The following MAP3K15 variants were observed in gnomAD, a reference collection of about 807,000 sequenced individuals.
MAP3K15 encodes the protein mitogen-activated protein kinase kinase kinase 15.
MAP3K15 carries 124 observed loss-of-function variants against 99.5 expected under a neutral mutation model. The ratio of observed to expected loss-of-function variants is 1.25; its 90% CI spans 1.08 to 1.45. The LOEUF is 1.45. Ranked by LOEUF, MAP3K15 falls within the 40% of genes most tolerant of loss-of-function variation. The pLI is 0.00. For missense variants in MAP3K15, 1,242 were observed against 1,079.7 expected, an observed-to-expected ratio of 1.15 and a Z score of -2.11; for synonymous variants, 494 against 439.6, an observed-to-expected ratio of 1.12 and a Z score of -1.55.
intron 3 of MAP3K15, among the ~76,000 whole-genome samples, chrX:19,485,046 C>A (rs1024602610): frequency 9.0e-6 from 1 of 111,068 alleles, no homozygotes; most frequent in African/African-American, 3.3e-5. Flanking sequence ...AGGTGGCTCA[C>A]GCCTGTAATC....
chrX:19,460,285 T>C (rs2064123054), intron 4 of MAP3K15, 132 bp from the exon 5 acceptor site: 2 of 360,803 alleles, frequency 5.5e-6, no homozygotes, highest in Middle Eastern at 7.2e-4. Flanking sequence ...TGAGCCTCCC[T>C]GCACCAGCAA....
intron 18 of MAP3K15, among the ~76,000 whole-genome samples, chrX:19,389,676 A>C (rs2063514691): frequency 8.9e-6 from 1 of 112,221 alleles, no homozygotes; most frequent in Admixed American, 9.5e-5. Flanking sequence ...TGCAAGGATG[A>C]ATTATACATG....
At chrX:19,472,950 C>A (rs940969382) in intron 3 of MAP3K15, among the ~76,000 whole-genome samples, 2 of 112,208 alleles carry the variant, frequency 1.8e-5, no homozygotes, top group Non-Finnish European at 3.8e-5. Flanking sequence ...AATGCCATCA[C>A]AAGTTCTTTG....
At chrX:19,446,494 AGTG>A (rs998127563) in intron 6 of MAP3K15, among the ~76,000 whole-genome samples, 4 of 111,404 alleles carry the variant, frequency 3.6e-5, no homozygotes, top group East Asian at 2.8e-4. Flanking sequence ...CCATGCAGAT[AGTG>A]GTGGAGTCGT....
At chrX:19,423,405 A>G (rs2063803221) in intron 9 of MAP3K15, among the ~76,000 whole-genome samples, 1 of 105,170 alleles carries the variant, frequency 9.5e-6, no homozygotes, top group African/African-American at 3.5e-5. Flanking sequence ...GAATCTGACT[A>G]GGTAGATTTT....
At chrX:19,377,715 G>C (rs1378291975) in intron 19 of MAP3K15, among the ~76,000 whole-genome samples, 2 of 111,963 alleles carry the variant, frequency 1.8e-5, no homozygotes, top group East Asian at 5.6e-4. Context: ...TCTCAGGTGG[G>C]CCTCATGTTT....
At chrX:19,387,512 G>A (rs1312768337) in intron 18 of MAP3K15, among the ~76,000 whole-genome samples, 6 of 110,255 alleles carry the variant, frequency 5.4e-5, no homozygotes, top group African/African-American at 1.6e-4. Flanking sequence ...TCAGCCTCCC[G>A]AGTAGCTGAG....
chrX:19,463,453 TCTC>T (rs771310256), intron 4 of MAP3K15, among the ~76,000 whole-genome samples: 1 of 111,913 alleles, frequency 8.9e-6, no homozygotes, highest in Non-Finnish European at 1.9e-5. Context: ...GACAAATCCT[TCTC>T]CTTGTGACAC....
intron 18 of MAP3K15, among the ~76,000 whole-genome samples, chrX:19,384,587 C>CA (rs2063481317): frequency 9.4e-6 from 1 of 106,119 alleles, no homozygotes; most frequent in Non-Finnish European, 1.9e-5. Context: ...TAAAAAAGTA[C>CA]AAAAAATTAG....
chrX:19,455,085 C>T (rs2064082314), intron 6 of MAP3K15, among the ~76,000 whole-genome samples: 1 of 111,280 alleles, frequency 9.0e-6, no homozygotes, highest in Admixed American at 9.6e-5. Context: ...GTATTGCAAT[C>T]CCATAGAAAA....
intron 6 of MAP3K15, among the ~76,000 whole-genome samples, chrX:19,434,885 G>A (rs1440730201): frequency 8.1e-5 from 9 of 111,734 alleles, no homozygotes; most frequent in South Asian, 3.7e-4. Flanking sequence ...TAATAATTAA[G>A]CCTGTATTTT....
At chrX:19,439,200 G>A (rs754421085) in intron 6 of MAP3K15, among the ~76,000 whole-genome samples, 24 of 111,245 alleles carry the variant, frequency 2.2e-4, no homozygotes, top group Non-Finnish European at 4.1e-4. Context: ...TGCCTGCTCC[G>A]CCTTCACCTT....
At chrX:19,500,511 A>G (rs753613777) in intron 1 of MAP3K15, among the ~76,000 whole-genome samples, 1 of 110,675 alleles carries the variant, frequency 9.0e-6, no homozygotes, top group East Asian at 2.9e-4. Flanking sequence ...ACAAACCCCA[A>G]TTCCTGAATG....
chrX:19,361,227 T>G, intron 28 of MAP3K15, 112 bp downstream of exon 28: 1 of 626,988 alleles, frequency 1.6e-6, no homozygotes, highest in Non-Finnish European at 2.4e-6. Flanking sequence ...AGCTTGAACC[T>G]AATAGAACTC....
At chrX:19,365,498 T>C (rs941539427) in intron 25 of MAP3K15, among the ~76,000 whole-genome samples, 1 of 112,674 alleles carries the variant, frequency 8.9e-6, no homozygotes. Flanking sequence ...GTTAAATACA[T>C]GTTAAATACA....
At chrX:19,486,425 C>G (rs1308407713) in intron 3 of MAP3K15, 57 bp downstream of exon 3, 3 of 553,939 alleles carry the variant, frequency 5.4e-6, no homozygotes, top group Admixed American at 4.9e-5. Flanking sequence ...AAGCATTTTA[C>G]AAATTGACAT....
intron 4 of MAP3K15, among the ~76,000 whole-genome samples, chrX:19,461,415 G>A (rs1265429073): frequency 1.8e-5 from 2 of 112,287 alleles, no homozygotes; most frequent in Admixed American, 1.9e-4. Flanking sequence ...TTTTCTAATG[G>A]AAAACACAAA....
intron 20 of MAP3K15, among the ~76,000 whole-genome samples, 198 bp downstream of exon 20, chrX:19,374,279 C>T (rs1279262831): frequency 2.7e-5 from 3 of 111,549 alleles, no homozygotes; most frequent in Non-Finnish European, 5.7e-5. Flanking sequence ...GTCAGGAGAT[C>T]GAGGTGCATG....
intron 3 of MAP3K15, among the ~76,000 whole-genome samples, chrX:19,470,407 G>A (rs140726329): frequency 1.8e-5 from 2 of 110,207 alleles, no homozygotes; most frequent in Non-Finnish European, 3.8e-5. Context: ...GTTGTGGGGT[G>A]GGGGGAGCAG....
Sources: gnomAD v4.1 joint callset for allele counts (sites outside exome capture counted in the v4.1 genomes callset) on GRCh38, gnomAD v4.1.1 for gene constraint, MANE v1.5 for transcripts, NCBI Gene and HGNC (gene_info 2026-07-23, HGNC 2026-07-21) for gene names.